GALNTL6: variants seen among roughly 807,000 people sequenced by gnomAD.
GALNTL6 encodes the protein polypeptide N-acetylgalactosaminyltransferase-like 6.
Under a neutral mutation model 73.7 loss-of-function variants are expected in GALNTL6, and 46 were observed. The observed-to-expected ratio is 0.62, with a 90% CI of 0.49 to 0.80. The LOEUF is 0.80. Ranked by LOEUF, GALNTL6 falls within the 30% of genes least tolerant of loss-of-function variation. The pLI is 0.00. For missense variants in GALNTL6, 604 were observed against 755.0 expected (o/e 0.80, Z 2.34); for synonymous variants, 259 against 263.7 (o/e 0.98, Z 0.17).
intron 2 of GALNTL6, among the ~76,000 whole-genome samples, chr4:171,975,939 T>A (rs1579023222): frequency 6.7e-6 from 1 of 150,086 alleles, no homozygotes; most frequent in Non-Finnish European, 1.5e-5. Flanking sequence ...CATTTTTTTT[T>A]AAGACGGAAT....
At chr4:171,855,231 A>C (rs562801274) in intron 2 of GALNTL6, among the ~76,000 whole-genome samples, 6 of 152,256 alleles carry the variant, frequency 3.9e-5, no homozygotes. Flanking sequence ...ATCATACAGA[A>C]CACTTTCACT....
At chr4:172,979,638 T>C (rs1472074798) in intron 10 of GALNTL6, among the ~76,000 whole-genome samples, 3 of 152,228 alleles carry the variant, frequency 2.0e-5, no homozygotes, top group Non-Finnish European at 4.4e-5. Context: ...ATTGGTTTTA[T>C]ATCTTCCAGC....
chr4:172,150,816 A>G (rs1335667480), intron 2 of GALNTL6, among the ~76,000 whole-genome samples: 1 of 152,236 alleles, frequency 6.6e-6, no homozygotes, highest in Non-Finnish European at 1.5e-5. Flanking sequence ...TAATAATTTT[A>G]AAATATTAAT....
chr4:172,622,737 G>A (rs1739012784), intron 5 of GALNTL6, among the ~76,000 whole-genome samples: 1 of 152,118 alleles, frequency 6.6e-6, no homozygotes, highest in African/African-American at 2.4e-5. Context: ...ATGAAAAGAT[G>A]TGTCCAGAGG....
intron 5 of GALNTL6, among the ~76,000 whole-genome samples, chr4:172,654,774 A>T (rs1730892357): frequency 6.6e-6 from 1 of 152,190 alleles, no homozygotes; most frequent in Admixed American, 6.5e-5. Context: ...GAAAAGAAAA[A>T]CCACAACATT....
At chr4:171,982,353 A>C (rs368314426) in intron 2 of GALNTL6, among the ~76,000 whole-genome samples, 3 of 152,134 alleles carry the variant, frequency 2.0e-5, no homozygotes, top group South Asian at 2.1e-4. Context: ...GCTGGAGTGC[A>C]GTGGCGCGAT....
intron 2 of GALNTL6, among the ~76,000 whole-genome samples, chr4:171,837,921 C>T (rs1735138859): frequency 6.6e-6 from 1 of 151,106 alleles, no homozygotes; most frequent in African/African-American, 2.4e-5. Flanking sequence ...TGGCATGTTA[C>T]ATTACTAGGT....
chr4:173,002,264 C>T (rs549885695), intron 10 of GALNTL6, among the ~76,000 whole-genome samples: 1 of 151,938 alleles, frequency 6.6e-6, no homozygotes, highest in South Asian at 2.1e-4. Flanking sequence ...GTGGTGCACA[C>T]CTGTAGTCCC....
chr4:172,325,880 A>T, intron 4 of GALNTL6, among the ~76,000 whole-genome samples: 1 of 151,848 alleles, frequency 6.6e-6, no homozygotes, highest in East Asian at 1.9e-4. Flanking sequence ...AAACTAAAAG[A>T]AAACACTCCA....
chr4:172,186,509 C>T (rs1204761451), intron 2 of GALNTL6, among the ~76,000 whole-genome samples: 1 of 152,056 alleles, frequency 6.6e-6, no homozygotes, highest in Admixed American at 6.6e-5. Flanking sequence ...GGAAGCAGCT[C>T]AATGTCTACC....
intron 10 of GALNTL6, among the ~76,000 whole-genome samples, chr4:173,003,725 G>A (rs745672555): frequency 3.9e-5 from 6 of 152,030 alleles, no homozygotes; most frequent in South Asian, 2.1e-4. Flanking sequence ...TTCAATATCC[G>A]TATTCATTTC....
chr4:172,713,267 T>TGTGTGTGTGTG (rs1553976791), intron 5 of GALNTL6, among the ~76,000 whole-genome samples: 11 of 145,072 alleles, frequency 7.6e-5, no homozygotes, highest in South Asian at 2.3e-4. Flanking sequence ...TGTGTGTGTG[T>TGTGTGTGTGTG]TTAGAGAGAA....
intron 2 of GALNTL6, among the ~76,000 whole-genome samples, chr4:172,109,339 A>T (rs1350841509): frequency 6.6e-6 from 1 of 152,228 alleles, no homozygotes; most frequent in African/African-American, 2.4e-5. Context: ...ATGAAATGAC[A>T]ACATTCACAG....
chr4:172,414,360 A>G (rs549283101), intron 5 of GALNTL6, among the ~76,000 whole-genome samples: 1 of 152,284 alleles, frequency 6.6e-6, no homozygotes, highest in South Asian at 2.1e-4. Context: ...TTTCCAACTT[A>G]TATGTGTATA....
intron 5 of GALNTL6, among the ~76,000 whole-genome samples, chr4:172,718,030 T>A (rs1029890107): frequency 6.6e-6 from 1 of 152,222 alleles, no homozygotes; most frequent in Non-Finnish European, 1.5e-5. Flanking sequence ...GTCAGCAACA[T>A]AACTATAGTA....
chr4:172,901,340 A>G (rs376024892), intron 8 of GALNTL6, among the ~76,000 whole-genome samples: 23 of 152,332 alleles, frequency 1.5e-4, no homozygotes, highest in African/African-American at 5.5e-4. Context: ...AAAGAGTTGT[A>G]GACAAATATC....
At chr4:172,516,848 C>T (rs1201509120) in intron 5 of GALNTL6, among the ~76,000 whole-genome samples, 1 of 152,048 alleles carries the variant, frequency 6.6e-6, no homozygotes, top group Non-Finnish European at 1.5e-5. Flanking sequence ...TATCATTCAG[C>T]CTTAAAAGGA....
intron 2 of GALNTL6, among the ~76,000 whole-genome samples, chr4:172,118,221 G>A (rs1172873194): frequency 1.3e-5 from 2 of 151,912 alleles, no homozygotes; most frequent in East Asian, 1.9e-4. Context: ...TTATATACTT[G>A]GAATTTTTAA....
chr4:172,309,577 C>T (rs1318067025), intron 3 of GALNTL6, among the ~76,000 whole-genome samples: 1 of 151,908 alleles, frequency 6.6e-6, no homozygotes, highest in Admixed American at 6.6e-5. Context: ...TAATACTTAA[C>T]AGCAATTGTA....
Sources: allele counts gnomAD v4.1 joint callset (sites outside exome capture counted in the v4.1 genomes callset), GRCh38; gene constraint gnomAD v4.1.1; transcripts MANE v1.5; gene names NCBI Gene and HGNC (gene_info 2026-07-23, HGNC 2026-07-21).